Variants in AGO2 observed in about 807,000 individuals in gnomAD.
AGO2 encodes the protein argonaute RISC catalytic component 2.
AGO2 carries 5 observed loss-of-function variants against 102.3 expected under a neutral mutation model. The observed-to-expected ratio is 0.05, with a 90% CI of 0.03 to 0.10. The LOEUF (loss-of-function observed/expected upper bound fraction) is 0.10. Ranked by LOEUF, AGO2 falls within the 10% of genes least tolerant of loss-of-function variation. The probability of loss-of-function intolerance (pLI) is 1.00; values close to 1 mark genes in which losing one functional copy is unlikely to be tolerated. For missense variants in AGO2, 541 were observed against 1,183.7 expected (o/e 0.46, Z 7.97); for synonymous variants, 449 against 473.1 (o/e 0.95, Z 0.66).
rs149782656 is a variant in AGO2 at position 140,563,072 on chromosome 8, C to T, written c.337-438G>A. On this transcript the variant is annotated intron_variant, in intron 3 of 18. Transcript: ENST00000220592. Reference sequence around the variant, plus strand: ...TTGAATCGCGATCTGGCCCTCATACCTCCAAATATGTGGACACACACGAGC... The same window carrying T: ...TTGAATCGCGATCTGGCCCTCATACTTCCAAATATGTGGACACACACGAGC... Among the ~76,000 whole-genome samples, 568 of 152,320 alleles carry T rather than the reference C, an allele frequency of 3.7e-3. 4 individuals are homozygous for T. The highest frequency in any genetic ancestry group is 6.3e-3 in the Non-Finnish European group (428 of 68,034).
chr8:140,621,158 C>A (rs1227513236), intron 1 of AGO2, among the ~76,000 whole-genome samples: 1 of 152,232 alleles, frequency 6.6e-6, no homozygotes, highest in Non-Finnish European at 1.5e-5. Context: ...GATCTCCAAG[C>A]CACCTGCCAA....
intron 10 of AGO2, among the ~76,000 whole-genome samples, chr8:140,555,207 T>C (rs1432267128): frequency 6.6e-6 from 1 of 152,224 alleles, no homozygotes; most frequent in African/African-American, 2.4e-5. Context: ...TGGTCACCTC[T>C]GGGCCCTCCC....
Position 140,523,066 on chromosome 8 carries a change from G to C in AGO2, c.*8978C>G, listed in dbSNP as rs1347502953. 6.6e-6 allele frequency: 1 copy of C among 152,080 alleles called. No homozygotes were observed. The highest frequency in any genetic ancestry group is 1.5e-5 in the Non-Finnish European group (1 of 68,024). The allele number at this position is 152,080 out of a possible 1,614,324, so 9.4% of individuals were successfully genotyped here. A position where few individuals can be genotyped will look rare whatever the true frequency, so the allele number is the denominator to read the frequency against. On this transcript the variant is annotated 3_prime_UTR_variant, in exon 19 of 19. Transcript: ENST00000220592. Reference sequence around the variant, plus strand: ...TGTAGCAAATGGAAAATCATACAGAGAGGCCAATGTATATAAATAAGAGTT... The same window carrying C: ...TGTAGCAAATGGAAAATCATACAGACAGGCCAATGTATATAAATAAGAGTT...
intron 14 of AGO2, 64 bp downstream of exon 14, chr8:140,544,149 T>C: frequency 6.7e-7 from 1 of 1,484,364 alleles, no homozygotes; most frequent in Non-Finnish European, 9.0e-7. Context: ...GCTGTGACAG[T>C]GGGACTTCGA....
At chr8:140,629,457 G>A (rs1457986316) in intron 1 of AGO2, among the ~76,000 whole-genome samples, 1 of 152,182 alleles carries the variant, frequency 6.6e-6, no homozygotes, top group Non-Finnish European at 1.5e-5. Flanking sequence ...CTTAACAGGC[G>A]AGAAAACTGA....
At chr8:140,640,948 G>A in the AGO2 span, among the ~76,000 whole-genome samples, 3 of 152,178 alleles carry the variant, frequency 2.0e-5, no homozygotes, top group African/African-American at 7.2e-5. Context: ...GGAGATTTGT[G>A]TGGATGTGGT....
At chr8:140,562,935 C>G (rs1461677984) in intron 3 of AGO2, among the ~76,000 whole-genome samples, 1 of 152,190 alleles carries the variant, frequency 6.6e-6, no homozygotes, top group Non-Finnish European at 1.5e-5. Context: ...GAACTCACTA[C>G]CTCTCTCCTC....
At chr8:140,638,164 G>A (rs2074422178), upstream of AGO2, 1 of 152,320 alleles carries the variant, frequency 6.6e-6, no homozygotes, top group East Asian at 1.9e-4. Context: ...AAGAAGGGGT[G>A]AGGGGAAGTA....
chr8:140,580,525 A>C (rs1255856642), intron 2 of AGO2, among the ~76,000 whole-genome samples: 2 of 152,114 alleles, frequency 1.3e-5, no homozygotes, highest in Non-Finnish European at 2.9e-5. Context: ...TCAGGGCCCC[A>C]CCTTCGTCTC....
At chr8:140,592,422 C>T (rs2073758485) in intron 1 of AGO2, 1 of 152,232 alleles carries the variant, frequency 6.6e-6, no homozygotes, top group Non-Finnish European at 1.5e-5. Context: ...GCCTCTCCCA[C>T]TAGAATGTAG....
intron 2 of AGO2, 47 bp downstream of exon 2, chr8:140,585,072 G>A (rs1338521063): frequency 5.8e-6 from 9 of 1,560,676 alleles, no homozygotes; most frequent in Non-Finnish European, 7.9e-6. Context: ...TGCCGTGTCT[G>A]TCCGCGCAGA....
At position 140,530,132 on chromosome 8, in the gene AGO2, ACT is replaced by A. The variant is rs1236449077; in HGVS notation, c.*1910_*1911del. The A allele has an allele frequency of 6.9e-6, 1 of 143,888 alleles. No homozygotes were observed. The highest frequency in any genetic ancestry group is 2.0e-4 in the East Asian group (1 of 5,026). The allele number at this position is 143,888 out of a possible 1,614,324, so 8.9% of individuals were successfully genotyped here. A position where few individuals can be genotyped will look rare whatever the true frequency, so the allele number is the denominator to read the frequency against. On this transcript the variant is annotated 3_prime_UTR_variant, in exon 19 of 19. Transcript: ENST00000220592. Reference sequence around the variant, plus strand: ...AAGAGACTAATGCCATTAATAAGACACTCACACACAGGGACACACGCATGCAC... The same window carrying A: ...AAGAGACTAATGCCATTAATAAGACACACACACAGGGACACACGCATGCAC...
At chr8:140,595,070 A>T (rs1028239557) in intron 1 of AGO2, among the ~76,000 whole-genome samples, 1 of 152,188 alleles carries the variant, frequency 6.6e-6, no homozygotes, top group African/African-American at 2.4e-5. Flanking sequence ...AGGCTTTTAA[A>T]ATTACAAGCC....
Position 140,531,474 on chromosome 8 carries a change from A to C in AGO2, c.*570T>G, listed in dbSNP as rs547764143. The C allele has an allele frequency of 6.5e-6, 1 of 153,364 alleles. No homozygotes were observed. The highest frequency in any genetic ancestry group is 1.9e-4 in the East Asian group (1 of 5,186). 9.5% of individuals were successfully genotyped at this position (153,364 alleles called of 1,614,324 possible). A position where few individuals can be genotyped will look rare whatever the true frequency, so the allele number is the denominator to read the frequency against. ...CCGGGTGAAGGGCGGTGCTGGCAGA[A>C]CACGGCACCTGCGGACGCCTCTGCA... On this transcript the variant is annotated 3_prime_UTR_variant, in exon 19 of 19. Coordinates refer to ENST00000220592, the MANE Select transcript of AGO2 (RefSeq NM_012154.5).
chr8:140,551,189 C>T, intron 11 of AGO2, 114 bp downstream of exon 11: 4 of 1,265,514 alleles, frequency 3.2e-6, no homozygotes, highest in Non-Finnish European at 4.2e-6. Context: ...GACATCAAAA[C>T]CCATACCAGC....
At chr8:140,547,279 G>A (rs1050495056) in intron 13 of AGO2, among the ~76,000 whole-genome samples, 189 bp downstream of exon 13, 13 of 152,210 alleles carry the variant, frequency 8.5e-5, no homozygotes, top group Non-Finnish European at 1.2e-4. Flanking sequence ...TCCTGCAGAC[G>A]CCCCTGGTCC....
intron 2 of AGO2, among the ~76,000 whole-genome samples, chr8:140,573,799 G>A (rs1588470231): frequency 6.6e-6 from 1 of 152,216 alleles, no homozygotes; most frequent in East Asian, 1.9e-4. Context: ...GACAGGTGTG[G>A]CTCAGCTCGG....
chr8:140,614,918 G>A (rs573023449), intron 1 of AGO2, among the ~76,000 whole-genome samples: 26 of 152,308 alleles, frequency 1.7e-4, no homozygotes, highest in African/African-American at 6.3e-4. Context: ...CACTCCTGGA[G>A]CCTCAGACTT....
intron 1 of AGO2, among the ~76,000 whole-genome samples, chr8:140,625,538 T>A (rs1398593247): frequency 6.6e-6 from 1 of 152,090 alleles, no homozygotes; most frequent in African/African-American, 2.4e-5. Context: ...CCTGGCTCAC[T>A]GGTGAGTCCT....
Sources: gnomAD v4.1 joint callset for allele counts (sites outside exome capture counted in the v4.1 genomes callset) on GRCh38, gnomAD v4.1.1 for gene constraint, MANE v1.5 for transcripts, NCBI Gene and HGNC (gene_info 2026-07-23, HGNC 2026-07-21) for gene names.